Variants in CCDC171 observed in about 807,000 individuals in gnomAD.
CCDC171 encodes the protein coiled-coil domain-containing protein 171.
A neutral mutation model predicts 168.2 loss-of-function variants in CCDC171; 177 were observed. That is an observed-to-expected ratio of 1.05 (90% CI 0.93 to 1.19). The LOEUF (loss-of-function observed/expected upper bound fraction) is 1.19, where lower values mean the gene tolerates loss of function less well. Among genes scored for constraint, CCDC171 ranks in the 50% most tolerant of loss-of-function variants. CCDC171 has a pLI of 0.00. For synonymous variants in CCDC171, 687 were observed against 540.8 expected, an observed-to-expected ratio of 1.27 and a Z score of -3.75; for missense variants, 1,991 against 1,539.0, an observed-to-expected ratio of 1.29 and a Z score of -4.91.
intron 23 of CCDC171, among the ~76,000 whole-genome samples, chr9:15,858,318 C>G (rs1219848352): frequency 3.3e-5 from 5 of 152,026 alleles, no homozygotes; most frequent in Admixed American, 3.3e-4. Flanking sequence ...TGCATCCAGC[C>G]ATCTTTGTAA....
chr9:15,914,713 G>C (rs1244669975), intron 24 of CCDC171, among the ~76,000 whole-genome samples: 1 of 151,970 alleles, frequency 6.6e-6, no homozygotes, highest in African/African-American at 2.4e-5. Context: ...AACTCCTGCA[G>C]ATAGCTTGAT....
In CCDC171 at chr9:15,591,455, T is replaced by C. The variant is rs1196093035; in HGVS notation, c.442T>C (p.Phe148Leu). The change falls in exon 5 of 26, where the codon TTT becomes CTT. Residue 148 changes from phenylalanine to leucine, a missense_variant. Phe to Leu is a conservative substitution (Grantham distance 22). Transcript: ENST00000380701. ...AAAATGGAAAGAAGAATGCAGAAGA[T>C]TTGAACATGATTTGGAGGAAAGAGA... ...QQKWKEECRR[F>L]EHDLEERDNM... The C allele has an allele frequency of 6.2e-7, 1 of 1,608,820 alleles. No individual in the cohort carries two copies. Among genetic ancestry groups the C allele is most frequent in the African/African-American group, 1.3e-5 (1 of 74,706 alleles).
intron 21 of CCDC171, among the ~76,000 whole-genome samples, chr9:15,837,297 G>T (rs1337926071): frequency 6.6e-6 from 1 of 152,154 alleles, no homozygotes; most frequent in Admixed American, 6.5e-5. Flanking sequence ...CATTTAGAAG[G>T]TTAGAACAAC....
chr9:15,943,051 C>G (rs1031032199), intron 25 of CCDC171, among the ~76,000 whole-genome samples: 1 of 151,884 alleles, frequency 6.6e-6, no homozygotes, highest in African/African-American at 2.4e-5. Context: ...GTCTTGTCAG[C>G]TTTGTTTGAT....
intron 1 of CCDC171, among the ~76,000 whole-genome samples, chr9:15,557,464 G>C (rs1005900790): frequency 2.5e-4 from 38 of 152,194 alleles, no homozygotes; most frequent in African/African-American, 8.9e-4. Context: ...CACTTCCTTT[G>C]TAAGTTGGAT....
chr9:15,626,784 A>G (rs200437562), intron 7 of CCDC171, among the ~76,000 whole-genome samples: 1 of 151,714 alleles, frequency 6.6e-6, no homozygotes, highest in African/African-American at 2.4e-5. Context: ...TCTTTTTTTT[A>G]GTTGTGTCTT....
chr9:15,821,889 C>G (rs1366909388), intron 21 of CCDC171, among the ~76,000 whole-genome samples: 1 of 142,444 alleles, frequency 7.0e-6, no homozygotes, highest in Non-Finnish European at 1.6e-5. Context: ...AATCCTAAGC[C>G]AAAAGAACAA....
chr9:15,927,903 T>C (rs1015782139), intron 25 of CCDC171, among the ~76,000 whole-genome samples: 3 of 151,772 alleles, frequency 2.0e-5, no homozygotes, highest in African/African-American at 7.2e-5. Flanking sequence ...AACATTCATA[T>C]ACCTTATCTT....
intron 21 of CCDC171, among the ~76,000 whole-genome samples, chr9:15,791,456 A>G (rs1438158362): frequency 6.6e-6 from 1 of 152,040 alleles, no homozygotes; most frequent in Non-Finnish European, 1.5e-5. Flanking sequence ...GTATCCTGAG[A>G]CTTTGCTGAA....
intron 24 of CCDC171, among the ~76,000 whole-genome samples, chr9:15,911,415 T>G (rs1267522047): frequency 6.6e-6 from 1 of 152,234 alleles, no homozygotes; most frequent in Non-Finnish European, 1.5e-5. Flanking sequence ...CTTGTAAATT[T>G]GTTTAAGTCC....
At chr9:15,979,106 A>T (rs1323377996) in intron 3 of CCDC171, among the ~76,000 whole-genome samples, 1 of 152,222 alleles carries the variant, frequency 6.6e-6, no homozygotes, top group Non-Finnish European at 1.5e-5. Flanking sequence ...CACTATATGA[A>T]TAGACCACAT....
At chr9:15,785,023 C>G (rs1180570991) in intron 21 of CCDC171, among the ~76,000 whole-genome samples, 2 of 151,724 alleles carry the variant, frequency 1.3e-5, no homozygotes, top group African/African-American at 4.8e-5. Flanking sequence ...TTTTCCTTTT[C>G]TTGTTTTGTA....
At chr9:15,694,080 C>G (rs2051028745) in intron 10 of CCDC171, among the ~76,000 whole-genome samples, 1 of 152,200 alleles carries the variant, frequency 6.6e-6, no homozygotes, top group African/African-American at 2.4e-5. Flanking sequence ...TGATTGACAA[C>G]TCTCTTACTG....
chr9:15,952,189 A>G (rs1056031653), intron 25 of CCDC171, among the ~76,000 whole-genome samples: 1 of 152,068 alleles, frequency 6.6e-6, no homozygotes, highest in African/African-American at 2.4e-5. Context: ...TCATTTGACC[A>G]TTATCTGATG....
chr9:15,621,722 G>A (rs1251258450), intron 6 of CCDC171, among the ~76,000 whole-genome samples: 2 of 152,140 alleles, frequency 1.3e-5, no homozygotes, highest in African/African-American at 2.4e-5. Context: ...ACAATGTGGC[G>A]ATTCCTCAAA....
rs2057401522 is a variant in CCDC171 at position 15,777,648 on chromosome 9, A to G, written c.2720A>G (p.Asn907Ser). The G allele has an allele frequency of 6.2e-7, 1 of 1,613,854 alleles. No individual in the cohort carries two copies. Among genetic ancestry groups the G allele is most frequent in the Non-Finnish European group, 8.5e-7 (1 of 1,179,978 alleles). The change falls in exon 19 of 26, where the codon AAT becomes AGT. Residue 907 changes from asparagine (N) to serine (S), a missense_variant. Coordinates refer to ENST00000380701, the MANE Select transcript of CCDC171 (RefSeq NM_173550.4). ...CGHLLIGAAK[N>S]SFAKLMDKIS... Reference sequence around the variant, plus strand: ...CATTTACTCATAGGTGCAGCCAAGAATTCTTTTGCAAAACTCATGGATAAA... The same window carrying G: ...CATTTACTCATAGGTGCAGCCAAGAGTTCTTTTGCAAAACTCATGGATAAA...
the CCDC171 span, among the ~76,000 whole-genome samples, chr9:16,103,544 C>G: frequency 2.0e-5 from 3 of 152,214 alleles, no homozygotes; most frequent in African/African-American, 7.2e-5. Context: ...CAGGAGGCCT[C>G]ATTTGAAGGC....
At position 15,760,646 on chromosome 9, in the gene CCDC171, A is replaced by G. The variant is rs1353729527; in HGVS notation, c.2671+15015A>G. Among the ~76,000 whole-genome samples, 4 of 152,174 alleles carry G rather than the reference A, an allele frequency of 2.6e-5. No individual in the cohort carries two copies. In the East Asian group the frequency reaches 7.7e-4, roughly 29 times the overall value. Reference sequence around the variant, plus strand: ...TCATTGTTTTATTTCTTTCTTGTGCACTGATGTCTTAATGGGACCTGCATA... The same window carrying G: ...TCATTGTTTTATTTCTTTCTTGTGCGCTGATGTCTTAATGGGACCTGCATA... On this transcript the variant is annotated intron_variant, in intron 18 of 25. Transcript: ENST00000380701.
intron 25 of CCDC171, among the ~76,000 whole-genome samples, chr9:15,941,493 A>G (rs1199378717): frequency 6.6e-6 from 1 of 151,990 alleles, no homozygotes; most frequent in African/African-American, 2.4e-5. Context: ...AGTGATAATA[A>G]GGAATCTTAA....
Sources: allele counts gnomAD v4.1 joint callset (sites outside exome capture counted in the v4.1 genomes callset), GRCh38; gene constraint gnomAD v4.1.1; transcripts MANE v1.5; gene names NCBI Gene and HGNC (gene_info 2026-07-23, HGNC 2026-07-21).